CCDC91: variants seen among roughly 807,000 people sequenced by gnomAD.
CCDC91 encodes the protein coiled-coil domain containing 91.
In CCDC91, 48 loss-of-function variants were observed where a neutral mutation model predicts 63.2. The ratio of observed to expected loss-of-function variants is 0.76; its 90% CI spans 0.60 to 0.97. The LOEUF (loss-of-function observed/expected upper bound fraction) is 0.97, where lower values mean the gene tolerates loss of function less well. Among genes scored for constraint, CCDC91 ranks in the 50% least tolerant of loss-of-function variants. CCDC91 has a pLI of 0.00. For synonymous variants in CCDC91, 167 were observed against 165.8 expected, an observed-to-expected ratio of 1.01 and a Z score of -0.06; for missense variants, 500 against 494.6, an observed-to-expected ratio of 1.01 and a Z score of -0.10.
At chr12:28,353,599 T>C (rs1379816863) in intron 6 of CCDC91, among the ~76,000 whole-genome samples, 1 of 152,162 alleles carries the variant, frequency 6.6e-6, no homozygotes, top group Non-Finnish European at 1.5e-5. Context: ...TCTCAGAGAA[T>C]AGAGAGGCTC....
At chr12:28,298,585 T>C (rs1349441554) in intron 3 of CCDC91, among the ~76,000 whole-genome samples, 1 of 151,250 alleles carries the variant, frequency 6.6e-6, no homozygotes, top group Non-Finnish European at 1.5e-5. Flanking sequence ...CTTTGTTGTA[T>C]TTAAAAATAA....
At chr12:28,246,592 A>G (rs1159924307) in intron 1 of CCDC91, among the ~76,000 whole-genome samples, 1 of 152,104 alleles carries the variant, frequency 6.6e-6, no homozygotes, top group East Asian at 1.9e-4. Context: ...AAAGATTTGG[A>G]GTTGAGATTG....
chr12:28,521,296 T>G (rs954881249), intron 12 of CCDC91, among the ~76,000 whole-genome samples: 25 of 152,148 alleles, frequency 1.6e-4, no homozygotes, highest in African/African-American at 4.6e-4. Flanking sequence ...ACATCCCTTG[T>G]AAGTTGGATT....
At chr12:28,446,308 C>T in intron 8 of CCDC91, among the ~76,000 whole-genome samples, 1 of 152,130 alleles carries the variant, frequency 6.6e-6, no homozygotes, top group South Asian at 2.1e-4. Flanking sequence ...GAAGCTTACT[C>T]ACATACACAG....
intron 3 of CCDC91, among the ~76,000 whole-genome samples, chr12:28,267,808 A>T (rs181137020): frequency 1.3e-4 from 1 of 7,506 alleles, no homozygotes; most frequent in African/African-American, 2.1e-4. Flanking sequence ...TTATATAGTA[A>T]TATATAATTA....
At chr12:28,437,548 C>T (rs1454014100) in intron 8 of CCDC91, among the ~76,000 whole-genome samples, 2 of 152,032 alleles carry the variant, frequency 1.3e-5, no homozygotes, top group Non-Finnish European at 2.9e-5. Context: ...ACCTTTACAG[C>T]TAGATTCTTC....
At chr12:28,323,889 G>T (rs570840990) in intron 6 of CCDC91, among the ~76,000 whole-genome samples, 3 of 151,922 alleles carry the variant, frequency 2.0e-5, no homozygotes, top group South Asian at 4.1e-4. Flanking sequence ...AGGGATATTG[G>T]TATGTCAGCA....
chr12:28,251,631 T>G (rs933388847), intron 1 of CCDC91, among the ~76,000 whole-genome samples: 1 of 152,070 alleles, frequency 6.6e-6, no homozygotes, highest in African/African-American at 2.4e-5. Context: ...TTTTCCAGCC[T>G]CCTCATCTCC....
intron 8 of CCDC91, among the ~76,000 whole-genome samples, chr12:28,400,177 C>T (rs574552848): frequency 6.6e-6 from 1 of 152,198 alleles, no homozygotes; most frequent in Admixed American, 6.5e-5. Flanking sequence ...AGTTCCCAAA[C>T]CTCGATTCTT....
At chr12:28,484,333 C>G (rs914322989) in intron 12 of CCDC91, 168 bp downstream of exon 12, 9 of 369,356 alleles carry the variant, frequency 2.4e-5, no homozygotes, top group Non-Finnish European at 4.4e-5. Flanking sequence ...ATAGTTATGT[C>G]TATAAACATA....
rs117224059 is a variant in CCDC91 at position 28,203,194 on chromosome 12, C to A, written c.-15+12553C>A. Among the ~76,000 whole-genome samples, 213 of 152,248 alleles carry A rather than the reference C, an allele frequency of 1.4e-3. 3 individuals carry two copies. Among genetic ancestry groups the A allele is most frequent in the Non-Finnish European group, 2.7e-3 (184 of 68,008 alleles). ...TGAGATTAAAATGCCATAAAACTTG[C>A]TTTTCTTAATGAAAATCAGCCATTT... is the stretch of plus-strand genomic sequence containing the variant. On this transcript the variant is annotated intron_variant, in intron 1 of 12. Coordinates refer to ENST00000536442, the MANE Select transcript of CCDC91 (RefSeq NM_018318.5).
At chr12:28,537,170 T>C (rs1242083779) in intron 12 of CCDC91, among the ~76,000 whole-genome samples, 1 of 152,166 alleles carries the variant, frequency 6.6e-6, no homozygotes, top group Admixed American at 6.6e-5. Context: ...GCTGTTTTTT[T>C]TCTTTTTCAC....
intron 7 of CCDC91, among the ~76,000 whole-genome samples, chr12:28,374,793 G>A (rs1324879431): frequency 6.6e-6 from 1 of 152,116 alleles, no homozygotes; most frequent in Non-Finnish European, 1.5e-5. Flanking sequence ...TTTTGAGTAT[G>A]TAACTCTGTG....
At chr12:28,544,009 GCTTTT>G (rs1198558614) in intron 12 of CCDC91, among the ~76,000 whole-genome samples, 1 of 151,844 alleles carries the variant, frequency 6.6e-6, no homozygotes, top group Non-Finnish European at 1.5e-5. Context: ...CTCCTAGCTG[GCTTTT>G]CTTCTTCCAC....
intron 1 of CCDC91, chr12:28,199,140 C>T (rs1942012022): frequency 6.6e-6 from 1 of 152,060 alleles, no homozygotes; most frequent in Non-Finnish European, 1.5e-5. Flanking sequence ...TCTTGAACTC[C>T]TGGCCGCAAG....
At chr12:28,519,402 G>A (rs529721000) in intron 12 of CCDC91, among the ~76,000 whole-genome samples, 2 of 151,952 alleles carry the variant, frequency 1.3e-5, no homozygotes, top group South Asian at 2.1e-4. Context: ...ACTGGTTTGT[G>A]TATGTTAATT....
At chr12:28,426,606 T>A (rs553614381) in intron 8 of CCDC91, among the ~76,000 whole-genome samples, 5 of 152,280 alleles carry the variant, frequency 3.3e-5, no homozygotes, top group Admixed American at 6.5e-5. Flanking sequence ...AATCTACTGA[T>A]GAGCCCATCA....
chr12:28,511,637 A>C (rs1282527883), intron 12 of CCDC91, among the ~76,000 whole-genome samples: 1 of 151,938 alleles, frequency 6.6e-6, no homozygotes, highest in Non-Finnish European at 1.5e-5. Context: ...TGGAGGTCAC[A>C]GCAAGGATTC....
intron 6 of CCDC91, among the ~76,000 whole-genome samples, chr12:28,308,988 G>A (rs534081997): frequency 1.3e-5 from 2 of 151,918 alleles, no homozygotes; most frequent in South Asian, 4.2e-4. Flanking sequence ...AGCTTCTCCA[G>A]TTTACCCTCA....
Sources: allele counts gnomAD v4.1 joint callset (sites outside exome capture counted in the v4.1 genomes callset), GRCh38; gene constraint gnomAD v4.1.1; transcripts MANE v1.5; gene names NCBI Gene and HGNC (gene_info 2026-07-23, HGNC 2026-07-21).